The following NRAP variants were observed in gnomAD, a reference collection of about 807,000 sequenced individuals.
The protein encoded by NRAP is nebulin related anchoring protein.
A neutral mutation model predicts 225.9 loss-of-function variants in NRAP; 189 were observed. The observed-to-expected ratio is 0.84, with a 90% CI of 0.74 to 0.94. NRAP has a LOEUF of 0.94. Ranked by LOEUF, NRAP falls within the 40% of genes least tolerant of loss-of-function variation. The pLI is 0.00. For synonymous variants in NRAP, 769 were observed against 790.7 expected (o/e 0.97, Z 0.46); for missense variants, 2,176 against 2,168.7 (o/e 1.00, Z -0.07).
rs556477376 is a variant in NRAP at position 113,594,270 on chromosome 10, T to C, written c.4536+1353A>G. On this transcript the variant is annotated intron_variant, in intron 38 of 41. Coordinates refer to ENST00000359988, the MANE Select transcript of NRAP (RefSeq NM_198060.4). ...CTTCCTCACAGAGCACTTGATCCAA[T>C]TGTGCGTATTCTACACGCCCCCGAA... Among the ~76,000 whole-genome samples, 14 of 152,282 alleles carry C rather than the reference T, an allele frequency of 9.2e-5. No individual in the cohort carries two copies. The East Asian group carries it at 2.7e-3, about 29-fold the overall frequency.
At chr10:113,653,118 G>T in intron 5 of NRAP, 79 bp from the exon 6 acceptor site, 1 of 744,178 alleles carries the variant, frequency 1.3e-6, no homozygotes, top group Non-Finnish European at 2.3e-6. Flanking sequence ...TAAAACCAAT[G>T]AAACTAGATT....
chr10:113,626,196 C>G (rs1186610188), intron 20 of NRAP, 51 bp from the exon 21 acceptor site: 27 of 1,240,868 alleles, frequency 2.2e-5, no homozygotes, highest in Non-Finnish European at 3.0e-5. Context: ...GTTGCCCCTA[C>G]CACCCTACTC....
rs1013754010 is a variant in NRAP at position 113,603,433 on chromosome 10, C to G, written c.4227+1176G>C. Among the ~76,000 whole-genome samples, 6 of 152,032 alleles carry G rather than the reference C, an allele frequency of 3.9e-5. No individual in the cohort carries two copies. In the South Asian group the frequency reaches 8.3e-4, roughly 21 times the overall value. On this transcript the variant is annotated intron_variant, in intron 35 of 41. Transcript: ENST00000359988. ...ATGGCTCCCTGCTCTGAGCTCCCCC[C>G]AAGAGAGCAGGATGGTTAAGAATGG...
chr10:113,589,596 A>C, intron 41 of NRAP, 70 bp downstream of exon 41: 1 of 1,549,106 alleles, frequency 6.5e-7, no homozygotes, highest in Non-Finnish European at 8.7e-7. Context: ...TAAACTTTGA[A>C]AAGAAACAAT....
At chr10:113,596,412 C>CAGT (rs1202019267) in intron 37 of NRAP, among the ~76,000 whole-genome samples, 1 of 152,176 alleles carries the variant, frequency 6.6e-6, no homozygotes, top group Non-Finnish European at 1.5e-5. Context: ...CCAGTCGGTA[C>CAGT]AGTAGTCGGG....
At chr10:113,624,120 C>G (rs1026165207) in intron 22 of NRAP, among the ~76,000 whole-genome samples, 4 of 152,126 alleles carry the variant, frequency 2.6e-5, no homozygotes, top group Non-Finnish European at 5.9e-5. Flanking sequence ...ATGTCGAGAT[C>G]TTTCTTCTGG....
chr10:113,595,633 T>A lies in NRAP; in HGVS notation c.4526A>T (p.His1509Leu). The change falls in exon 38 of 42, where the codon CAT (histidine) becomes CTT (leucine). Residue 1509 changes from histidine (H) to leucine (L), a missense_variant. Coordinates refer to ENST00000359988, the MANE Select transcript of NRAP (RefSeq NM_198060.4). ...DFTRARLNALHLSDKVYRNSW... is the reference protein window; with the variant it reads ...DFTRARLNALLLSDKVYRNSW... ...CACCAGTTCACTTACGTCACTCAGATGCAGCGCATTGAGGCGAGCTCGGGT... is the reference window on the plus strand; with the variant it reads ...CACCAGTTCACTTACGTCACTCAGAAGCAGCGCATTGAGGCGAGCTCGGGT... 1.9e-6 allele frequency: 3 copies of A among 1,607,526 alleles called. No individual in the cohort carries two copies. Among genetic ancestry groups the A allele is most frequent in the Non-Finnish European group, 2.6e-6 (3 of 1,173,942 alleles).
intron 14 of NRAP, among the ~76,000 whole-genome samples, chr10:113,635,059 G>T (rs956135828): frequency 2.0e-5 from 3 of 152,198 alleles, no homozygotes; most frequent in African/African-American, 7.2e-5. Flanking sequence ...AGTGCAGCTG[G>T]ATGCATTGAC....
rs1424239232 is a variant in NRAP at position 113,589,767 on chromosome 10, T to C, written c.4987A>G (p.Arg1663Gly). 1 of 1,614,152 alleles carries C rather than the reference T, an allele frequency of 6.2e-7. No homozygotes were observed. The highest frequency in any genetic ancestry group is 1.1e-5 in the South Asian group (1 of 91,074). ...VKYKSDLNLTRGVGWTPPGSY... is the reference protein window; with the variant it reads ...VKYKSDLNLTGGVGWTPPGSY... ...CCAGGAGGGGTCCAGCCAACACCTC[T>C]GGTCAGGTTCAAGTCTGATTTATAC... is the stretch of plus-strand genomic sequence containing the variant. Residue 1663 changes from arginine to glycine, a missense_variant, in exon 41 of 42, where the codon AGA (arginine) becomes GGA (glycine). Coordinates refer to ENST00000359988, the MANE Select transcript of NRAP (RefSeq NM_198060.4).
chr10:113,632,718 C>T (rs1185802803), intron 16 of NRAP, among the ~76,000 whole-genome samples: 1 of 152,178 alleles, frequency 6.6e-6, no homozygotes, highest in Non-Finnish European at 1.5e-5. Context: ...CAATTCATAG[C>T]CCACTTGTGA....
chr10:113,653,949 G>A, intron 5 of NRAP, 72 bp downstream of exon 5: 2 of 912,296 alleles, frequency 2.2e-6, no homozygotes, highest in Non-Finnish European at 3.7e-6. Context: ...AATTGTAAAA[G>A]TCAAGGAACA....
At chr10:113,644,954 T>A (rs1849415023) in intron 11 of NRAP, among the ~76,000 whole-genome samples, 1 of 152,116 alleles carries the variant, frequency 6.6e-6, no homozygotes, top group Non-Finnish European at 1.5e-5. Flanking sequence ...AAGAACACAC[T>A]AGGGCATGAG....
Position 113,598,088 on chromosome 10 carries a change from A to C in NRAP, c.4228-15T>G. On this transcript the variant is annotated splice_polypyrimidine_tract_variant and intron_variant, in intron 35 of 41. Transcript: ENST00000359988. Reference sequence around the variant, plus strand: ...TTGTAGCGCAACTGCAGGGAAAAAAATCATGGGCTTTATCAGGAGAGTGCT... The same window carrying C: ...TTGTAGCGCAACTGCAGGGAAAAAACTCATGGGCTTTATCAGGAGAGTGCT... The C allele has an allele frequency of 6.4e-7, 1 of 1,551,854 alleles. No individual in the cohort carries two copies. Among genetic ancestry groups the C allele is most frequent in the Non-Finnish European group, 8.9e-7 (1 of 1,123,326 alleles).
chr10:113,607,399 C>CAAAAAAA (rs543627940), intron 32 of NRAP, among the ~76,000 whole-genome samples: 71 of 68,596 alleles, frequency 1.0e-3, no homozygotes, highest in Non-Finnish European at 1.3e-3. Context: ...GAAACTCCGT[C>CAAAAAAA]AAAAAAAAAA....
intron 14 of NRAP, among the ~76,000 whole-genome samples, chr10:113,634,760 C>T (rs1162208210): frequency 6.6e-6 from 1 of 152,140 alleles, no homozygotes; most frequent in African/African-American, 2.4e-5. Flanking sequence ...AGTATATCCA[C>T]ACATAGTATA....
At chr10:113,590,304 T>G (rs1302075339) in intron 40 of NRAP, among the ~76,000 whole-genome samples, 1 of 152,184 alleles carries the variant, frequency 6.6e-6, no homozygotes, top group Non-Finnish European at 1.5e-5. Flanking sequence ...GAGCCTCAAG[T>G]TCCTCATCTG....
intron 30 of NRAP, among the ~76,000 whole-genome samples, chr10:113,611,400 G>A (rs953315173): frequency 2.0e-5 from 3 of 152,194 alleles, no homozygotes; most frequent in Non-Finnish European, 2.9e-5. Flanking sequence ...CTTTTCCTAA[G>A]CGGGCCCATT....
chr10:113,604,751 T>C lies in NRAP; in HGVS notation c.4085A>G (p.Asp1362Gly), dbSNP rs2133890617. ...SSQAQFHLPM[D>G]MVHLVHAKNA... ...CTTGGCATGGACCAGGTGCACCATG[T>C]CCATGGGCAGATGGAACTGGGCTTG... is the stretch of plus-strand genomic sequence containing the variant. The change falls in exon 35 of 42, where the codon GAC becomes GGC. Residue 1362 changes from aspartate to glycine, a missense_variant. Physicochemically the swap from Asp to Gly is moderately conservative, Grantham distance 94. This residue lies in a region of NRAP where 1,708 missense variants were observed against 1,695.5 expected (regional missense o/e 1.01). Coordinates refer to ENST00000359988, the MANE Select transcript of NRAP (RefSeq NM_198060.4). 6.2e-7 allele frequency: 1 copy of C among 1,614,172 alleles called. No individual in the cohort carries two copies. Among genetic ancestry groups the C allele is most frequent in the Non-Finnish European group, 8.5e-7 (1 of 1,180,034 alleles).
At chr10:113,663,546 T>C in intron 1 of NRAP, 100 bp from the exon 2 acceptor site, 1 of 778,934 alleles carries the variant, frequency 1.3e-6, no homozygotes, top group Non-Finnish European at 2.1e-6. Flanking sequence ...GAGGATAAAA[T>C]GCTGATTTTA....
Sources: gnomAD v4.1 joint callset for allele counts (sites outside exome capture counted in the v4.1 genomes callset) on GRCh38, gnomAD v4.1.1 for gene constraint, gnomAD v4.1.1 regional missense constraint, MANE v1.5 for transcripts, NCBI Gene and HGNC (gene_info 2026-07-23, HGNC 2026-07-21) for gene names.